TRIM2: variants seen among roughly 807,000 people sequenced by gnomAD.
TRIM2 encodes the protein tripartite motif-containing protein 2.
A neutral mutation model predicts 75.2 loss-of-function variants in TRIM2; 20 were observed. That is an observed-to-expected ratio of 0.27 (90% CI 0.19 to 0.39). The LOEUF is 0.39. Among genes scored for constraint, TRIM2 ranks in the 10% least tolerant of loss-of-function variants. The pLI is 1.00. For missense variants in TRIM2, 660 were observed against 990.8 expected (o/e 0.67, Z 4.48); for synonymous variants, 373 against 388.3 (o/e 0.96, Z 0.46).
At chr4:153,165,816 C>G (rs1730244297) in intron 1 of TRIM2, among the ~76,000 whole-genome samples, 1 of 152,050 alleles carries the variant, frequency 6.6e-6, no homozygotes, top group African/African-American at 2.4e-5. Flanking sequence ...TTTTTTCTTA[C>G]TGTGTATTCT....
At chr4:153,244,937 C>A (rs763901825) in intron 1 of TRIM2, among the ~76,000 whole-genome samples, 3 of 152,206 alleles carry the variant, frequency 2.0e-5, no homozygotes, top group Non-Finnish European at 4.4e-5. Flanking sequence ...TGGCCTGTTT[C>A]TGGCAGGTTC....
At chr4:153,232,165 A>G (rs903114981) in intron 1 of TRIM2, among the ~76,000 whole-genome samples, 7 of 152,342 alleles carry the variant, frequency 4.6e-5, no homozygotes, top group African/African-American at 1.7e-4. Context: ...GGAGACATCA[A>G]TATATCTTTT....
intron 1 of TRIM2, among the ~76,000 whole-genome samples, chr4:153,221,800 G>GAGGA (rs1229375108): frequency 2.0e-5 from 1 of 51,090 alleles, no homozygotes; most frequent in Admixed American, 2.2e-4. Flanking sequence ...AGGAAAGAGC[G>GAGGA]AGGAAGGAAG....
chr4:153,282,362 A>G (rs1759542805), intron 3 of TRIM2, among the ~76,000 whole-genome samples: 1 of 152,218 alleles, frequency 6.6e-6, no homozygotes, highest in Non-Finnish European at 1.5e-5. Context: ...ATAATAAGCC[A>G]GGTCTGCTGC....
intron 6 of TRIM2, chr4:153,308,470 C>T (rs1765511491): frequency 3.0e-5 from 23 of 778,612 alleles, no homozygotes; most frequent in Non-Finnish European, 4.7e-6. Flanking sequence ...AGGCCCAAAG[C>T]CACTATCTAG....
intron 1 of TRIM2, among the ~76,000 whole-genome samples, chr4:153,210,424 C>T (rs969754558): frequency 2.0e-5 from 3 of 152,140 alleles, no homozygotes; most frequent in African/African-American, 4.8e-5. Context: ...GAGTCTCTTT[C>T]GCAGCAAAAG....
intron 1 of TRIM2, among the ~76,000 whole-genome samples, chr4:153,228,747 C>A (rs1742835370): frequency 6.6e-6 from 1 of 152,260 alleles, no homozygotes; most frequent in Non-Finnish European, 1.5e-5. Context: ...GGTCACGCGG[C>A]AGTCATAGTC....
chr4:153,158,458 G>A (rs1560774305), intron 1 of TRIM2, among the ~76,000 whole-genome samples: 2 of 152,134 alleles, frequency 1.3e-5, no homozygotes, highest in African/African-American at 4.8e-5. Context: ...CTAAGGTATA[G>A]TGATATGTAA....
At chr4:153,191,451 G>A (rs1733179714) in intron 1 of TRIM2, among the ~76,000 whole-genome samples, 1 of 152,192 alleles carries the variant, frequency 6.6e-6, no homozygotes. Context: ...ATCCCCGAGT[G>A]GATGCTTAAA....
chr4:153,295,232 C>G lies in TRIM2; in HGVS notation c.787-81C>G. On this transcript the variant is annotated intron_variant, in intron 5 of 11. Coordinates refer to ENST00000338700, the MANE Select transcript of TRIM2 (RefSeq NM_015271.5). This position sits in a 1 kb window ranked among gnomAD's most constrained non-coding sequence, Gnocchi z 7.2. ...CCTGCGTGGGCAGGTGTAGAGTCTC[C>G]TTCTCGCCGGTGGAGGGCACTGCCC... is the stretch of plus-strand genomic sequence containing the variant. 6.9e-7 allele frequency: 1 copy of G among 1,440,864 alleles called. No homozygotes were observed. The highest frequency in any genetic ancestry group is 9.1e-7 in the Non-Finnish European group (1 of 1,095,642). 89.3% of individuals were successfully genotyped at this position (1,440,864 alleles called of 1,614,324 possible). A position where few individuals can be genotyped will look rare whatever the true frequency, so the allele number is the denominator to read the frequency against.
chr4:153,173,312 G>A (rs996443466), intron 1 of TRIM2, among the ~76,000 whole-genome samples: 3 of 152,160 alleles, frequency 2.0e-5, no homozygotes, highest in African/African-American at 7.2e-5. Context: ...TTGAGGCCAA[G>A]AGTTTGAGAC....
chr4:153,337,052 C>A lies in TRIM2; in HGVS notation c.*2086C>A, dbSNP rs545901652. ...GTGATGGACAAAACAGGTAAAAAAT[C>A]GCTGCCCCCTCAGAGCTGACATTCT... On this transcript the variant is annotated 3_prime_UTR_variant, in exon 12 of 12. Coordinates refer to ENST00000338700, the MANE Select transcript of TRIM2 (RefSeq NM_015271.5). 7.1e-6 allele frequency: 7 copies of A among 984,508 alleles called. No homozygotes were observed. The highest frequency in any genetic ancestry group is 8.4e-6 in the Non-Finnish European group (7 of 829,122). 61.0% of individuals were successfully genotyped at this position (984,508 alleles called of 1,614,324 possible). A position where few individuals can be genotyped will look rare whatever the true frequency, so the allele number is the denominator to read the frequency against.
intron 3 of TRIM2, among the ~76,000 whole-genome samples, chr4:153,287,180 A>G (rs6831269): frequency 6.6e-6 from 1 of 151,862 alleles, no homozygotes; most frequent in Non-Finnish European, 1.5e-5. Context: ...GTCTCTCACT[A>G]TGTTTTTCAA....
chr4:153,334,054 A>C (rs1401664275), intron 11 of TRIM2, among the ~76,000 whole-genome samples: 1 of 151,846 alleles, frequency 6.6e-6, no homozygotes, highest in Non-Finnish European at 1.5e-5. Flanking sequence ...TCCATCATCT[A>C]GTTGCTGATT....
chr4:153,162,447 A>T (rs1023103595), intron 1 of TRIM2, among the ~76,000 whole-genome samples: 9 of 152,200 alleles, frequency 5.9e-5, no homozygotes, highest in African/African-American at 2.2e-4. Context: ...CATCTGCTGG[A>T]AAGTTCTCTC....
chr4:153,182,693 A>G (rs1321296495), intron 1 of TRIM2, among the ~76,000 whole-genome samples: 1 of 152,200 alleles, frequency 6.6e-6, no homozygotes, highest in Non-Finnish European at 1.5e-5. Context: ...ATTTCTCCTA[A>G]AATCTGTTAG....
chr4:153,280,743 G>A (rs536808660), intron 3 of TRIM2, among the ~76,000 whole-genome samples: 5 of 151,514 alleles, frequency 3.3e-5, no homozygotes, highest in South Asian at 2.1e-4. Context: ...GGAGTGCAGC[G>A]GCACGATCTT....
intron 6 of TRIM2, among the ~76,000 whole-genome samples, chr4:153,296,314 A>G (rs1325841774): frequency 6.6e-6 from 1 of 152,212 alleles, no homozygotes; most frequent in Non-Finnish European, 1.5e-5. Context: ...CATTGTAGGA[A>G]ATTACAAGCT....
chr4:153,311,045 A>G (rs1419018223), intron 6 of TRIM2, among the ~76,000 whole-genome samples: 1 of 152,200 alleles, frequency 6.6e-6, no homozygotes, highest in Non-Finnish European at 1.5e-5. Context: ...CAGGTATGGA[A>G]CATCTCACAT....
Sources: gnomAD v4.1 joint callset for allele counts (sites outside exome capture counted in the v4.1 genomes callset) on GRCh38, gnomAD v4.1.1 for gene constraint, Gnocchi (gnomAD v3.1) non-coding constraint, MANE v1.5 for transcripts, NCBI Gene and HGNC (gene_info 2026-07-23, HGNC 2026-07-21) for gene names.